BNC2: variants seen among roughly 807,000 people sequenced by gnomAD.
BNC2 encodes basonuclin zinc finger protein 2.
A neutral mutation model predicts 76.3 loss-of-function variants in BNC2; 20 were observed. The observed-to-expected ratio is 0.26, with a 90% CI of 0.18 to 0.38. BNC2 has a LOEUF of 0.38. BNC2 is among the 10% of genes least tolerant of loss of function. The probability of loss-of-function intolerance (pLI) is 1.00; values close to 1 mark genes in which losing one functional copy is unlikely to be tolerated. For missense variants in BNC2, 1,382 were observed against 1,399.8 expected (o/e 0.99, Z 0.20); for synonymous variants, 582 against 514.8 (o/e 1.13, Z -1.77).
chr9:16,657,500 C>A (rs1821964363), intron 3 of BNC2, among the ~76,000 whole-genome samples: 1 of 152,110 alleles, frequency 6.6e-6, no homozygotes, highest in Non-Finnish European at 1.5e-5. Flanking sequence ...GAGGCTAAGG[C>A]AGAAGAGGAA....
chr9:16,427,398 T>C (rs1820823295), intron 6 of BNC2, among the ~76,000 whole-genome samples: 1 of 152,222 alleles, frequency 6.6e-6, no homozygotes, highest in African/African-American at 2.4e-5. Context: ...GTTTATCATA[T>C]TGCTTTGGCT....
chr9:16,497,620 G>C (rs1217044680), intron 5 of BNC2, among the ~76,000 whole-genome samples: 2 of 152,012 alleles, frequency 1.3e-5, no homozygotes, highest in Non-Finnish European at 2.9e-5. Flanking sequence ...AACAAATATA[G>C]GACTACAAGG....
At chr9:16,494,565 G>C (rs528594728) in intron 5 of BNC2, among the ~76,000 whole-genome samples, 3 of 152,266 alleles carry the variant, frequency 2.0e-5, no homozygotes, top group Admixed American at 6.5e-5. Context: ...TCATTGAGAT[G>C]AGTTCTGAGT....
intron 5 of BNC2, among the ~76,000 whole-genome samples, chr9:16,522,727 G>A (rs1817658110): frequency 6.6e-6 from 1 of 152,008 alleles, no homozygotes; most frequent in South Asian, 2.1e-4. Flanking sequence ...GCAACAGAAG[G>A]CAACTAAGTC....
intron 3 of BNC2, among the ~76,000 whole-genome samples, chr9:16,709,643 G>C (rs373551470): frequency 6.6e-6 from 1 of 152,138 alleles, no homozygotes; most frequent in Admixed American, 6.5e-5. Flanking sequence ...TCTTGGAATT[G>C]TTTCCTAATT....
chr9:16,708,506 C>T (rs1392142453), intron 3 of BNC2, among the ~76,000 whole-genome samples: 2 of 151,936 alleles, frequency 1.3e-5, no homozygotes, highest in Admixed American at 6.6e-5. Flanking sequence ...TTAACAGACA[C>T]CAACCCTGAG....
intron 1 of BNC2, among the ~76,000 whole-genome samples, chr9:16,743,731 C>G (rs912116206): frequency 1.3e-5 from 2 of 152,222 alleles, no homozygotes; most frequent in African/African-American, 4.8e-5. Flanking sequence ...TTTCCATTCA[C>G]ATGATGGGTA....
At chr9:16,712,146 T>C (rs1474993758) in intron 3 of BNC2, among the ~76,000 whole-genome samples, 1 of 152,218 alleles carries the variant, frequency 6.6e-6, no homozygotes, top group Non-Finnish European at 1.5e-5. Context: ...AAAATCAGTT[T>C]ACACACGCAA....
chr9:16,652,568 G>A (rs1260395570), intron 3 of BNC2, among the ~76,000 whole-genome samples: 3 of 152,098 alleles, frequency 2.0e-5, no homozygotes, highest in African/African-American at 4.8e-5. Flanking sequence ...TACACACATT[G>A]AACCTGTCTG....
intron 3 of BNC2, among the ~76,000 whole-genome samples, chr9:16,668,552 T>C (rs1230650935): frequency 6.6e-6 from 1 of 152,214 alleles, no homozygotes; most frequent in Non-Finnish European, 1.5e-5. Context: ...CCCTCTAAGC[T>C]ATGATTAGTT....
At chr9:16,690,083 G>T (rs946583108) in intron 3 of BNC2, among the ~76,000 whole-genome samples, 5 of 152,010 alleles carry the variant, frequency 3.3e-5, no homozygotes, top group African/African-American at 9.7e-5. Context: ...CAAAATTCTG[G>T]GCCTAAACTT....
chr9:16,483,836 C>A (rs1822108371), intron 5 of BNC2, among the ~76,000 whole-genome samples: 1 of 152,180 alleles, frequency 6.6e-6, no homozygotes, highest in Admixed American at 6.5e-5. Context: ...GAAGATGTCA[C>A]GGACTTTCAG....
chr9:16,485,594 C>A (rs1214117680), intron 5 of BNC2, among the ~76,000 whole-genome samples: 1 of 152,092 alleles, frequency 6.6e-6, no homozygotes, highest in Non-Finnish European at 1.5e-5. Context: ...CTAGGGCTTA[C>A]CAAAAAATTA....
At chr9:16,457,366 A>G (rs942295585) in intron 5 of BNC2, among the ~76,000 whole-genome samples, 9 of 152,114 alleles carry the variant, frequency 5.9e-5, no homozygotes, top group African/African-American at 1.7e-4. Context: ...CAGTCCCAGG[A>G]TTGCGAGACT....
intron 1 of BNC2, among the ~76,000 whole-genome samples, chr9:16,842,234 T>C (rs941824351): frequency 1.3e-5 from 2 of 152,198 alleles, no homozygotes; most frequent in Non-Finnish European, 2.9e-5. Flanking sequence ...ACCAAACTAG[T>C]AAGAGAAATT....
chr9:16,683,064 G>C (rs1773293531), intron 3 of BNC2, among the ~76,000 whole-genome samples: 1 of 152,130 alleles, frequency 6.6e-6, no homozygotes, highest in African/African-American at 2.4e-5. Context: ...TTGATTTCCA[G>C]TTATTTTTCT....
chr9:16,691,632 C>A (rs181380020), intron 3 of BNC2, among the ~76,000 whole-genome samples: 57 of 151,152 alleles, frequency 3.8e-4, no homozygotes, highest in African/African-American at 1.4e-3. Context: ...GCCTCAGCCT[C>A]CCGAGTAGCT....
chr9:16,489,795 T>G (rs1298844277), intron 5 of BNC2, among the ~76,000 whole-genome samples: 1 of 152,168 alleles, frequency 6.6e-6, no homozygotes, highest in Non-Finnish European at 1.5e-5. Context: ...CTCTAAAAAT[T>G]TCATACATAT....
chr9:16,706,586 C>A (rs181388459), intron 3 of BNC2, among the ~76,000 whole-genome samples: 87 of 152,230 alleles, frequency 5.7e-4, no homozygotes, highest in African/African-American at 1.9e-3. Context: ...AAAATAAAAC[C>A]AAATTGTCTT....
Sources: gnomAD v4.1 joint callset for allele counts (sites outside exome capture counted in the v4.1 genomes callset) on GRCh38, gnomAD v4.1.1 for gene constraint, MANE v1.5 for transcripts, NCBI Gene and HGNC (gene_info 2026-07-23, HGNC 2026-07-21) for gene names.